The following TESK2 variants were observed in gnomAD, a reference collection of about 807,000 sequenced individuals.
The protein encoded by TESK2 is dual specificity testis-specific protein kinase 2.
TESK2 carries 39 observed loss-of-function variants against 57.1 expected under a neutral mutation model. The ratio of observed to expected loss-of-function variants is 0.68; its 90% CI spans 0.53 to 0.89. TESK2 has a LOEUF of 0.89. Among genes scored for constraint, TESK2 ranks in the 40% least tolerant of loss-of-function variants. TESK2 has a pLI of 0.00. For synonymous variants in TESK2, 249 were observed against 267.9 expected (o/e 0.93, Z 0.69); for missense variants, 646 against 732.1 (o/e 0.88, Z 1.36).
intron 1 of TESK2, among the ~76,000 whole-genome samples, chr1:45,477,469 A>C (rs1036327722): frequency 2.0e-5 from 3 of 151,970 alleles, no homozygotes; most frequent in Admixed American, 2.0e-4. Flanking sequence ...CTAAAATACA[A>C]AAATTAGCCG....
At chr1:45,465,518 A>G (rs1260425520) in intron 1 of TESK2, among the ~76,000 whole-genome samples, 1 of 151,964 alleles carries the variant, frequency 6.6e-6, no homozygotes, top group Admixed American at 6.6e-5. Flanking sequence ...CAAAGAAAGA[A>G]AGAAAAAGAG....
intron 1 of TESK2, among the ~76,000 whole-genome samples, chr1:45,474,198 G>A (rs1474265507): frequency 6.6e-6 from 1 of 152,046 alleles, no homozygotes; most frequent in Non-Finnish European, 1.5e-5. Context: ...TTAGCCAGGT[G>A]TGGTGGTGCA....
At position 45,344,859 on chromosome 1, in the gene TESK2, T is replaced by C. The variant is rs201686349; in HGVS notation, c.1697A>G (p.Gln566Arg). 943 of 1,612,930 alleles carry C rather than the reference T, an allele frequency of 5.8e-4. 4 individuals carry two copies. Among genetic ancestry groups the C allele is most frequent in the East Asian group, 1.8e-3 (79 of 44,878 alleles). The change falls in exon 11 of 11, where the codon CAG (glutamine) becomes CGG (arginine). Residue 566 changes from glutamine (Q) to arginine (R), a missense_variant. By Grantham distance (43) the Gln-to-Arg change is conservative. Transcript: ENST00000372086. ...ACCCCCTCACCCATCCTGCTTTCCC[T>C]GGGTTTGCAGGCCTATGCCTGAGGT... ...FSTSGIGLQTQGKQDG is the reference protein window; with the variant it reads ...FSTSGIGLQTRGKQDG
At chr1:45,438,139 G>A (rs1032198631) in intron 2 of TESK2, among the ~76,000 whole-genome samples, 1 of 152,114 alleles carries the variant, frequency 6.6e-6, no homozygotes, top group African/African-American at 2.4e-5. Flanking sequence ...CTTAACAAAA[G>A]TTACTTCATA....
At chr1:45,429,111 G>A (rs960914175) in intron 2 of TESK2, among the ~76,000 whole-genome samples, 4 of 152,158 alleles carry the variant, frequency 2.6e-5, no homozygotes, top group African/African-American at 9.7e-5. Context: ...GTGAGCCACC[G>A]CGCCCGGCCC....
chr1:45,456,410 T>C (rs981970219), intron 2 of TESK2, among the ~76,000 whole-genome samples: 1 of 151,420 alleles, frequency 6.6e-6, no homozygotes, highest in Admixed American at 6.6e-5. Context: ...TCCCAGCTAC[T>C]AGGGAGGCTG....
intron 3 of TESK2, among the ~76,000 whole-genome samples, chr1:45,401,958 G>A (rs1409280623): frequency 1.3e-5 from 2 of 151,704 alleles, no homozygotes; most frequent in African/African-American, 4.8e-5. Flanking sequence ...TAAAGGTTAT[G>A]GTAACAACAA....
intron 1 of TESK2, among the ~76,000 whole-genome samples, chr1:45,459,190 G>A (rs533547246): frequency 2.0e-5 from 3 of 152,258 alleles, no homozygotes; most frequent in African/African-American, 7.2e-5. Flanking sequence ...TCAATATGGC[G>A]GCTTTCTAAA....
chr1:45,402,726 C>T (rs1321921188), intron 3 of TESK2, among the ~76,000 whole-genome samples: 1 of 151,966 alleles, frequency 6.6e-6, no homozygotes, highest in African/African-American at 2.4e-5. Flanking sequence ...AGGTGATCCG[C>T]CCACCTCGGC....
chr1:45,440,897 T>G (rs533647621), intron 2 of TESK2, among the ~76,000 whole-genome samples: 1 of 152,242 alleles, frequency 6.6e-6, no homozygotes, highest in African/African-American at 2.4e-5. Flanking sequence ...CAGCAAGAAC[T>G]TGAGGCCCTC....
At chr1:45,415,316 T>A (rs1650195070) in intron 3 of TESK2, 1 of 1,142,710 alleles carries the variant, frequency 8.8e-7, no homozygotes, top group Admixed American at 1.7e-5. Flanking sequence ...AGCAAGGAGA[T>A]CACCATTGCT....
At chr1:45,472,040 A>T (rs1427338810) in intron 1 of TESK2, among the ~76,000 whole-genome samples, 1 of 150,176 alleles carries the variant, frequency 6.7e-6, no homozygotes, top group Admixed American at 6.6e-5. Context: ...TCATGAGGTC[A>T]GGAGATCGAG....
At chr1:45,489,511 T>G (rs1435951503) in intron 1 of TESK2, among the ~76,000 whole-genome samples, 2 of 152,226 alleles carry the variant, frequency 1.3e-5, no homozygotes, top group Non-Finnish European at 2.9e-5. Flanking sequence ...CAAACTCGGC[T>G]GGGAGCAGTG....
intron 1 of TESK2, among the ~76,000 whole-genome samples, chr1:45,469,335 A>G (rs1652676138): frequency 6.6e-6 from 1 of 152,214 alleles, no homozygotes; most frequent in South Asian, 2.1e-4. Context: ...AACTGCAGCC[A>G]CTATTTACTA....
chr1:45,484,883 T>G (rs1303072219), intron 1 of TESK2, among the ~76,000 whole-genome samples: 3 of 150,332 alleles, frequency 2.0e-5, no homozygotes, highest in African/African-American at 4.9e-5. Flanking sequence ...TACAAAAAAT[T>G]AGCCGGGCCT....
intron 1 of TESK2, among the ~76,000 whole-genome samples, chr1:45,458,194 T>C (rs754989063): frequency 3.6e-4 from 55 of 152,226 alleles, no homozygotes; most frequent in Non-Finnish European, 6.8e-4. Flanking sequence ...TCTCGTTTGA[T>C]TCTCAGATAA....
chr1:45,392,701 CAA>C lies in TESK2; in HGVS notation c.345-6743_345-6742del, dbSNP rs572673072. Among the ~76,000 whole-genome samples the C allele has an allele frequency of 7.5e-4, 104 of 137,768 alleles. No homozygotes were observed. In the East Asian group the frequency reaches 0.015, roughly 20 times the overall value. The allele number at this position is 137,768 out of a possible 152,430, so 90.4% of individuals were successfully genotyped here. A position where few individuals can be genotyped will look rare whatever the true frequency, so the allele number is the denominator to read the frequency against. ...GGGCAACAAGAGTGAAACTCTGTCTCAAAAAAAAAAAAAAAATTTATTTTTTA... is the reference window on the plus strand; with the variant it reads ...GGGCAACAAGAGTGAAACTCTGTCTCAAAAAAAAAAAAAATTTATTTTTTA... On this transcript the variant is annotated intron_variant, in intron 3 of 10. Transcript: ENST00000372086.
chr1:45,456,424 C>G (rs1290584814), intron 2 of TESK2, among the ~76,000 whole-genome samples: 1 of 151,800 alleles, frequency 6.6e-6, no homozygotes, highest in Non-Finnish European at 1.5e-5. Context: ...GAGGCTGAGG[C>G]AGGAGAATTG....
At position 45,415,219 on chromosome 1, in the gene TESK2, G is replaced by A. The variant is rs946151658; in HGVS notation, c.344+6506C>T. 3.4e-6 allele frequency: 5 copies of A among 1,487,336 alleles called. No individual in the cohort carries two copies. In the African/African-American group the frequency reaches 6.9e-5, roughly 21 times the overall value. 92.1% of individuals were successfully genotyped at this position (1,487,336 alleles called of 1,614,324 possible). A position where few individuals can be genotyped will look rare whatever the true frequency, so the allele number is the denominator to read the frequency against. ...CCAGGGTTTATGTGTCCGGTTGGAT[G>A]GCAAGCATGTGGTCTTTGGCAAGGT... is the stretch of plus-strand genomic sequence containing the variant. On this transcript the variant is annotated intron_variant, in intron 3 of 10. Coordinates refer to ENST00000372086, the MANE Select transcript of TESK2 (RefSeq NM_007170.3).
Sources: gnomAD v4.1 joint callset for allele counts (sites outside exome capture counted in the v4.1 genomes callset) on GRCh38, gnomAD v4.1.1 for gene constraint, MANE v1.5 for transcripts, NCBI Gene and HGNC (gene_info 2026-07-23, HGNC 2026-07-21) for gene names.